The following KHDRBS2 variants were observed in gnomAD, a reference collection of about 807,000 sequenced individuals.
KHDRBS2 encodes the protein KH RNA binding domain containing, signal transduction associated 2.
In KHDRBS2, 26 loss-of-function variants were observed where a neutral mutation model predicts 44.3. The observed-to-expected ratio is 0.59, with a 90% CI of 0.43 to 0.81. The LOEUF (loss-of-function observed/expected upper bound fraction) is 0.81. Ranked by LOEUF, KHDRBS2 falls within the 40% of genes least tolerant of loss-of-function variation. The pLI is 0.00. For missense variants in KHDRBS2, 476 were observed against 433.1 expected (o/e 1.10, Z -0.88); for synonymous variants, 194 against 151.1 (o/e 1.28, Z -2.08).
chr6:61,810,964 A>G (rs992344988), intron 6 of KHDRBS2, among the ~76,000 whole-genome samples: 3 of 151,968 alleles, frequency 2.0e-5, no homozygotes, highest in Non-Finnish European at 4.4e-5. Context: ...TAGAATTTCC[A>G]TTTTTATTTT....
chr6:62,187,394 C>A (rs1230091854), intron 1 of KHDRBS2, among the ~76,000 whole-genome samples: 3 of 152,046 alleles, frequency 2.0e-5, no homozygotes, highest in African/African-American at 7.2e-5. Flanking sequence ...GTCCCAGGCA[C>A]CATCCCAGAA....
chr6:62,215,909 G>A (rs1295479576), intron 1 of KHDRBS2, among the ~76,000 whole-genome samples: 2 of 151,666 alleles, frequency 1.3e-5, no homozygotes, highest in Non-Finnish European at 3.0e-5. Flanking sequence ...TACAGGAAAA[G>A]ATTAATATGA....
At chr6:61,993,652 T>TATATAC (rs1776568560) in intron 3 of KHDRBS2, among the ~76,000 whole-genome samples, 1 of 114,898 alleles carries the variant, frequency 8.7e-6, no homozygotes, top group African/African-American at 3.2e-5. Flanking sequence ...CATAAAATCA[T>TATATAC]ATATATATAT....
chr6:61,564,813 AG>A, the KHDRBS2 span, among the ~76,000 whole-genome samples: 3 of 152,240 alleles, frequency 2.0e-5, no homozygotes, highest in South Asian at 2.1e-4. Context: ...AGACAAAAAA[AG>A]GTCCCATTCT....
chr6:62,151,858 G>T (rs770261261), intron 2 of KHDRBS2, among the ~76,000 whole-genome samples: 9 of 152,302 alleles, frequency 5.9e-5, no homozygotes, highest in Non-Finnish European at 1.2e-4. Context: ...GATAAAAAAT[G>T]ATAACGGGTA....
At chr6:61,708,821 G>A (rs1254945025) in intron 7 of KHDRBS2, among the ~76,000 whole-genome samples, 1 of 151,628 alleles carries the variant, frequency 6.6e-6, no homozygotes, top group Admixed American at 6.6e-5. Flanking sequence ...CCAACTTATT[G>A]TGAGACAAGA....
At chr6:62,119,439 A>G (rs7774880) in intron 2 of KHDRBS2, among the ~76,000 whole-genome samples, 77,539 of 151,928 alleles carry the variant, frequency 0.51, 20,137 homozygotes, top group Non-Finnish European at 0.55. Context: ...CATTGTCCTG[A>G]GTAAGAGTTT....
the KHDRBS2 span, among the ~76,000 whole-genome samples, chr6:61,571,017 A>AG: frequency 6.6e-6 from 1 of 152,072 alleles, no homozygotes; most frequent in Non-Finnish European, 1.5e-5. Flanking sequence ...TGAAAAAAAA[A>AG]CAAGGTATTA....
chr6:61,995,331 G>T (rs902818553), intron 3 of KHDRBS2, among the ~76,000 whole-genome samples: 2 of 152,146 alleles, frequency 1.3e-5, no homozygotes, highest in African/African-American at 2.4e-5. Context: ...CTTTATCCTA[G>T]AAGTGACTAT....
At chr6:61,791,919 T>G (rs1562190261) in intron 6 of KHDRBS2, among the ~76,000 whole-genome samples, 1 of 151,532 alleles carries the variant, frequency 6.6e-6, no homozygotes, top group Non-Finnish European at 1.5e-5. Flanking sequence ...TTGATATATT[T>G]GAATTTAATT....
intron 6 of KHDRBS2, among the ~76,000 whole-genome samples, chr6:61,837,703 A>T (rs1583088570): frequency 1.3e-5 from 2 of 152,098 alleles, no homozygotes; most frequent in East Asian, 3.9e-4. Flanking sequence ...GGAACAAACA[A>T]TTAACAGCAT....
intron 6 of KHDRBS2, among the ~76,000 whole-genome samples, chr6:61,839,390 T>C (rs1793237147): frequency 6.6e-6 from 1 of 152,010 alleles, no homozygotes; most frequent in Non-Finnish European, 1.5e-5. Context: ...AAGTAATAGA[T>C]ATTTGTAACA....
chr6:62,004,882 C>T (rs777521257), intron 3 of KHDRBS2, among the ~76,000 whole-genome samples: 7 of 151,988 alleles, frequency 4.6e-5, no homozygotes, highest in East Asian at 3.9e-4. Context: ...TAAACGTAAT[C>T]CATCACATAA....
At position 61,945,108 on chromosome 6, in the gene KHDRBS2, AAAAAG is replaced by A. The variant is rs1467078236; in HGVS notation, c.483+32953_483+32957del. On this transcript the variant is annotated intron_variant, in intron 4 of 8. Coordinates refer to ENST00000281156, the MANE Select transcript of KHDRBS2 (RefSeq NM_152688.4). Reference sequence around the variant, plus strand: ...TCTGTCTTAAAAAAAAAAAAAAAAAAAAAAGTATATATATATATATATATATATAT... The same window carrying A: ...TCTGTCTTAAAAAAAAAAAAAAAAAATATATATATATATATATATATATAT... Among the ~76,000 whole-genome samples the A allele has an allele frequency of 3.3e-4, 18 of 54,992 alleles. 1 individual carries two copies. The highest frequency in any genetic ancestry group is 1.7e-3 in the African/African-American group (18 of 10,322). 36.1% of individuals were successfully genotyped at this position (54,992 alleles called of 152,430 possible). A position where few individuals can be genotyped will look rare whatever the true frequency, so the allele number is the denominator to read the frequency against.
At chr6:62,066,535 T>G (rs573398485) in intron 2 of KHDRBS2, among the ~76,000 whole-genome samples, 2 of 151,748 alleles carry the variant, frequency 1.3e-5, no homozygotes, top group South Asian at 4.1e-4. Flanking sequence ...GTAAATGTTT[T>G]GTTTAAATGT....
intron 3 of KHDRBS2, among the ~76,000 whole-genome samples, chr6:62,035,456 A>T (rs1053481725): frequency 2.0e-5 from 3 of 152,038 alleles, no homozygotes; most frequent in Non-Finnish European, 4.4e-5. Flanking sequence ...AACTGAACTC[A>T]TGGAGACAGA....
At chr6:62,159,463 T>C (rs749140776) in intron 2 of KHDRBS2, among the ~76,000 whole-genome samples, 2 of 152,136 alleles carry the variant, frequency 1.3e-5, no homozygotes, top group Admixed American at 6.5e-5. Context: ...TTCTGTAAGA[T>C]GACAAAAAGG....
rs189945223 is a variant in KHDRBS2, at chr6:62,099,915, A to C, written c.220-51921T>G. Among the ~76,000 whole-genome samples the C allele has an allele frequency of 1.4e-3, 212 of 152,322 alleles. 1 individual carries two copies. The highest frequency in any genetic ancestry group is 5.0e-4 in the Non-Finnish European group (34 of 68,028). On this transcript the variant is annotated intron_variant, in intron 2 of 8. Coordinates refer to ENST00000281156, the MANE Select transcript of KHDRBS2 (RefSeq NM_152688.4). ...TCTACAGTTCATGGATCAAGGAATA[A>C]TTTCAATTTTCAAGTCCTATTAATT... is the stretch of plus-strand genomic sequence containing the variant.
intron 2 of KHDRBS2, among the ~76,000 whole-genome samples, chr6:62,068,694 A>T (rs1794311484): frequency 6.6e-6 from 1 of 151,574 alleles, no homozygotes; most frequent in Non-Finnish European, 1.5e-5. Flanking sequence ...GTAGTGCTCC[A>T]ACTTCATTGC....
Sources: gnomAD v4.1 joint callset for allele counts (sites outside exome capture counted in the v4.1 genomes callset) on GRCh38, gnomAD v4.1.1 for gene constraint, MANE v1.5 for transcripts, NCBI Gene and HGNC (gene_info 2026-07-23, HGNC 2026-07-21) for gene names.